The following LRRC27 variants were observed in gnomAD, a reference collection of about 807,000 sequenced individuals.
The protein encoded by LRRC27 is leucine rich repeat containing 27, also known as leucine-rich repeat-containing protein 27.
LRRC27 carries 57 observed loss-of-function variants against 55.0 expected under a neutral mutation model. That is an observed-to-expected ratio of 1.04 (90% confidence interval 0.84 to 1.29). The LOEUF is 1.29. Among genes scored for constraint, LRRC27 ranks in the 50% most tolerant of loss-of-function variants. LRRC27 has a pLI of 0.00. For synonymous variants in LRRC27, 278 were observed against 251.9 expected (o/e 1.10, Z -0.98); for missense variants, 721 against 651.5 (o/e 1.11, Z -1.16).
At chr10:132,356,889 T>C (rs932401544) in intron 8 of LRRC27, among the ~76,000 whole-genome samples, 1 of 152,264 alleles carries the variant, frequency 6.6e-6, no homozygotes, top group Non-Finnish European at 1.5e-5. Flanking sequence ...GGTGCTTTCT[T>C]CTAAGAGATG....
intron 9 of LRRC27, among the ~76,000 whole-genome samples, chr10:132,365,005 C>T (rs1189964770): frequency 6.6e-6 from 1 of 152,246 alleles, no homozygotes; most frequent in African/African-American, 2.4e-5. Context: ...TGTTTAAAAT[C>T]ATAATTGAAT....
chr10:132,354,424 C>T lies in LRRC27; in HGVS notation c.1074-1366C>T, dbSNP rs1309852964. Among the ~76,000 whole-genome samples, 4 of 152,276 alleles carry T rather than the reference C, an allele frequency of 2.6e-5. No individual in the cohort carries two copies. The East Asian group carries it at 7.7e-4, about 29-fold the overall frequency. On this transcript the variant is annotated intron_variant, in intron 7 of 10. Transcript: ENST00000368614. ...GACAGTGACACTAAGTGGAGGCCCT[C>T]GTCCAGGAGCGCAGCGGGGCCAGCA...
At chr10:132,335,948 A>G (rs2067107667) in intron 2 of LRRC27, among the ~76,000 whole-genome samples, 3 of 152,184 alleles carry the variant, frequency 2.0e-5, no homozygotes, top group African/African-American at 7.2e-5. Flanking sequence ...GGGAATGGCC[A>G]ACAAGCAGGC....
At chr10:132,351,218 G>A (rs1056551889) in intron 6 of LRRC27, 5 of 179,626 alleles carry the variant, frequency 2.8e-5, no homozygotes, top group East Asian at 3.2e-4. Context: ...CAGCCCGGGC[G>A]AGCTGCTGGC....
At chr10:132,343,345 C>T (rs927429550) in intron 4 of LRRC27, among the ~76,000 whole-genome samples, 2 of 152,174 alleles carry the variant, frequency 1.3e-5, no homozygotes, top group South Asian at 4.2e-4. Context: ...CAACAAAAAA[C>T]AAAAATAAAA....
At chr10:132,342,114 C>CTTTT (rs2067443390) in intron 3 of LRRC27, 99 bp from the exon 4 acceptor site, 1 of 733,434 alleles carries the variant, frequency 1.4e-6, no homozygotes. Context: ...TGAAGTTGCC[C>CTTTT]CTGAAAGAGA....
intron 10 of LRRC27, among the ~76,000 whole-genome samples, chr10:132,369,167 T>C (rs144484145): frequency 2.6e-5 from 4 of 152,304 alleles, no homozygotes; most frequent in African/African-American, 9.6e-5. Flanking sequence ...TCATTAATTG[T>C]TGGGAATAGA....
At chr10:132,357,041 T>C (rs1194604824) in intron 8 of LRRC27, among the ~76,000 whole-genome samples, 4 of 152,148 alleles carry the variant, frequency 2.6e-5, no homozygotes, top group Non-Finnish European at 4.4e-5. Flanking sequence ...AGTTCAGGAG[T>C]GTTTCCTTTG....
chr10:132,365,318 TTGGTC>T (rs1217318217), intron 9 of LRRC27, 101 bp from the exon 10 acceptor site: 28 of 1,470,216 alleles, frequency 1.9e-5, no homozygotes, highest in Non-Finnish European at 2.6e-5. Flanking sequence ...GGACCGCTGT[TTGGTC>T]TGGGAAGAAA....
intron 8 of LRRC27, among the ~76,000 whole-genome samples, chr10:132,358,722 AAGGTGGTGGAGCAGCGTGGGGAGGAGCCG>A (rs2068446737): frequency 1.7e-4 from 2 of 11,800 alleles, no homozygotes; most frequent in African/African-American, 1.2e-3. Context: ...GGGAGGAGCC[AAGGTGGTGGAGCAGCGTGGGGAGGAGCCG>A]AGGTGATGGA....
intron 3 of LRRC27, 54 bp downstream of exon 3, chr10:132,337,749 C>T: frequency 1.3e-6 from 2 of 1,587,002 alleles, no homozygotes; most frequent in Non-Finnish European, 1.7e-6. Context: ...TGCACGAGTG[C>T]CTGTTCTTTC....
intron 9 of LRRC27, among the ~76,000 whole-genome samples, chr10:132,364,032 TA>T (rs1011562768): frequency 1.3e-5 from 2 of 151,958 alleles, no homozygotes; most frequent in Non-Finnish European, 2.9e-5. Context: ...ATTTGGCCTT[TA>T]AAAAGCCCAC....
At chr10:132,365,212 C>T (rs1249526126) in intron 9 of LRRC27, among the ~76,000 whole-genome samples, 4 of 152,226 alleles carry the variant, frequency 2.6e-5, no homozygotes, top group Non-Finnish European at 5.9e-5. Context: ...ATGGGAGAGG[C>T]AGCCCAGGCC....
At chr10:132,369,729 T>C (rs2069172331) in intron 10 of LRRC27, among the ~76,000 whole-genome samples, 1 of 152,180 alleles carries the variant, frequency 6.6e-6, no homozygotes, top group South Asian at 2.1e-4. Flanking sequence ...AGTGTGTCCA[T>C]GTGCACGCAT....
rs924436479 is a variant in LRRC27 at position 132,377,858 on chromosome 10, G to C, written c.*2616G>C. On this transcript the variant is annotated 3_prime_UTR_variant, in exon 11 of 11. Transcript: ENST00000368614. ...CAGAACTTTAAAGATGGGCTCCACT[G>C]TCTTCTGGCTCCCATGTGTTTTGTT... is the stretch of plus-strand genomic sequence containing the variant. 4.6e-5 allele frequency: 7 copies of C among 152,188 alleles called. No individual in the cohort carries two copies. The highest frequency in any genetic ancestry group is 1.7e-4 in the African/African-American group (7 of 41,446). The allele number at this position is 152,188 out of a possible 1,614,324, so 9.4% of individuals were successfully genotyped here.
intron 9 of LRRC27, among the ~76,000 whole-genome samples, chr10:132,362,472 C>G (rs970916029): frequency 2.6e-5 from 4 of 152,140 alleles, no homozygotes; most frequent in Non-Finnish European, 4.4e-5. Flanking sequence ...TCCACAGTGC[C>G]TGGTGGACAG....
intron 7 of LRRC27, among the ~76,000 whole-genome samples, chr10:132,355,129 G>A (rs2068249498): frequency 6.6e-6 from 1 of 152,200 alleles, no homozygotes; most frequent in African/African-American, 2.4e-5. Context: ...AGGCTGGAGT[G>A]CAGTGGCTCA....
chr10:132,367,005 A>G, intron 10 of LRRC27: 2 of 1,211,664 alleles, frequency 1.7e-6, no homozygotes, highest in Non-Finnish European at 1.1e-6. Flanking sequence ...TTCTAAATCC[A>G]TCGTTTATGA....
chr10:132,354,480 G>A (rs1394214476), intron 7 of LRRC27, among the ~76,000 whole-genome samples: 3 of 152,188 alleles, frequency 2.0e-5, no homozygotes, highest in African/African-American at 7.2e-5. Context: ...GGACACGGGG[G>A]GCACCACCCT....
Sources: gnomAD v4.1 joint callset for allele counts (sites outside exome capture counted in the v4.1 genomes callset) on GRCh38, gnomAD v4.1.1 for gene constraint, MANE v1.5 for transcripts, NCBI Gene and HGNC (gene_info 2026-07-23, HGNC 2026-07-21) for gene names.